RGS5: variants seen among roughly 807,000 people sequenced by gnomAD.
The protein encoded by RGS5 is regulator of G protein signaling 5, also known as regulator of G-protein signalling 5.
Under a neutral mutation model 18.9 loss-of-function variants are expected in RGS5, and 20 were observed. The observed-to-expected ratio is 1.06, with a 90% CI of 0.74 to 1.54. The LOEUF (loss-of-function observed/expected upper bound fraction) is 1.54. RGS5 is among the 40% of genes most tolerant of loss of function. RGS5 has a pLI of 0.00. For synonymous variants in RGS5, 57 were observed against 76.2 expected, an observed-to-expected ratio of 0.75 and a Z score of 1.31; for missense variants, 201 against 211.8, an observed-to-expected ratio of 0.95 and a Z score of 0.32.
intron 2 of RGS5, among the ~76,000 whole-genome samples, chr1:163,288,753 CAT>C (rs1649207813): frequency 6.6e-6 from 1 of 152,186 alleles, no homozygotes; most frequent in Admixed American, 6.6e-5. Flanking sequence ...TTTAGCCTCA[CAT>C]GTCCTTCTGC....
upstream of RGS5, among the ~76,000 whole-genome samples, chr1:163,221,392 G>A (rs947532174): frequency 2.0e-5 from 3 of 152,126 alleles, no homozygotes; most frequent in African/African-American, 7.2e-5. Flanking sequence ...AGCTACTTGG[G>A]AGGCCAAGGT....
intron 3 of RGS5, among the ~76,000 whole-genome samples, chr1:163,160,537 G>T (rs181797454): frequency 5.4e-4 from 82 of 152,222 alleles, no homozygotes; most frequent in African/African-American, 1.8e-3. Context: ...AAAAGAGAGA[G>T]AATCAGAAAT....
intron 2 of RGS5, among the ~76,000 whole-genome samples, chr1:163,235,526 C>T (rs978993731): frequency 2.0e-5 from 3 of 152,178 alleles, no homozygotes; most frequent in Non-Finnish European, 2.9e-5. Context: ...CAGTTCTAAT[C>T]CCTGAAAGTA....
At chr1:163,314,576 C>A (rs1176584206) in intron 1 of RGS5, among the ~76,000 whole-genome samples, 1 of 152,056 alleles carries the variant, frequency 6.6e-6, no homozygotes, top group Non-Finnish European at 1.5e-5. Flanking sequence ...AAAAAACCTA[C>A]TTATCCCCAA....
chr1:163,271,896 T>C (rs538253409), intron 2 of RGS5, among the ~76,000 whole-genome samples: 1 of 152,302 alleles, frequency 6.6e-6, no homozygotes, highest in South Asian at 2.1e-4. Flanking sequence ...CTGCAGCATT[T>C]TATATTTTCA....
intron 3 of RGS5, among the ~76,000 whole-genome samples, chr1:163,158,987 G>A (rs1394341346): frequency 1.3e-5 from 2 of 152,076 alleles, no homozygotes; most frequent in South Asian, 4.1e-4. Context: ...TCTTTCTCAG[G>A]GATGTTCCTA....
chr1:163,282,342 A>T (rs1233751311), intron 2 of RGS5, among the ~76,000 whole-genome samples: 2 of 152,166 alleles, frequency 1.3e-5, no homozygotes. Flanking sequence ...AAAATGTTCA[A>T]CATTACTAAT....
intron 1 of RGS5, among the ~76,000 whole-genome samples, chr1:163,193,085 G>A (rs1659421914): frequency 2.0e-5 from 3 of 152,118 alleles, no homozygotes; most frequent in South Asian, 4.1e-4. Flanking sequence ...GCAAAGGAGA[G>A]CACTTCACAT....
rs1164224811 is a variant in RGS5, at chr1:163,210,737, TA to T, written c.69+6788del. The T allele has an allele frequency of 6.6e-5, 10 of 152,308 alleles. No homozygotes were observed. In the South Asian group the frequency reaches 1.9e-3, roughly 28 times the overall value. The allele number at this position is 152,308 out of a possible 1,614,324, so 9.4% of individuals were successfully genotyped here. On this transcript the variant is annotated intron_variant, in intron 1 of 5. Coordinates refer to the RGS5 transcript ENST00000367903. The stretch of plus-strand genomic sequence containing the variant: ...ATTTGCTATTGAAATTACCTTTTTT[TA>T]AAAAATTTTTTTCCATGACACTGAA...
rs1657416033 is a variant in RGS5 at position 163,152,597 on chromosome 1, C to T, written c.337G>A (p.Ala113Thr). The T allele has an allele frequency of 1.2e-6, 2 of 1,612,842 alleles. No individual in the cohort carries two copies. Among genetic ancestry groups the T allele is most frequent in the East Asian group, 4.5e-5 (2 of 44,866 alleles). Residue 113 changes from alanine (A) to threonine (T), a missense_variant, in exon 4 of 5, where the codon GCA becomes ACA. Physicochemically the swap from Ala to Thr is moderately conservative, Grantham distance 58. Coordinates refer to ENST00000313961, the MANE Select transcript of RGS5 (RefSeq NM_003617.4). ...IKSPAKMAEK[A>T]KQIYEEFIQT... ...ATGAATTCTTCATAAATTTGCTTTG[C>T]CTTCTCAGCCATCTTGGCAGGGGAC...
rs1019397600 is a variant in RGS5 at position 163,145,837 on chromosome 1, G to C, written c.*1505C>G. 2.0e-5 allele frequency: 3 copies of C among 152,154 alleles called. No homozygotes were observed. Among genetic ancestry groups the C allele is most frequent in the African/African-American group, 7.2e-5 (3 of 41,436 alleles). 9.4% of individuals were successfully genotyped at this position (152,154 alleles called of 1,614,324 possible). On this transcript the variant is annotated 3_prime_UTR_variant, in exon 5 of 5. Transcript: ENST00000313961. Reference sequence around the variant, plus strand: ...GCTACAAATATGAGAAACTGAGAGTGTGTGAATGAAAGAGAGCAACAGAAG... The same window carrying C: ...GCTACAAATATGAGAAACTGAGAGTCTGTGAATGAAAGAGAGCAACAGAAG...
intron 2 of RGS5, among the ~76,000 whole-genome samples, chr1:163,233,932 C>T (rs955877940): frequency 2.6e-5 from 4 of 152,106 alleles, no homozygotes; most frequent in African/African-American, 7.2e-5. Context: ...CAGGAACTGG[C>T]TATTTTCACT....
chr1:163,180,686 GTTTTTTTTTTTTTT>G (rs1026995196), intron 1 of RGS5, among the ~76,000 whole-genome samples: 2 of 61,982 alleles, frequency 3.2e-5, no homozygotes, highest in South Asian at 1.5e-3. Context: ...CCCTTACCCT[GTTTTTTTTTTTTTT>G]TTTTTTTTTT....
At chr1:163,320,858 TGTC>T (rs1650179853) in intron 1 of RGS5, among the ~76,000 whole-genome samples, 1 of 152,208 alleles carries the variant, frequency 6.6e-6, no homozygotes, top group East Asian at 1.9e-4. Flanking sequence ...GCGGAATTTG[TGTC>T]TACATTCAAT....
At chr1:163,187,282 G>T (rs545273832) in intron 1 of RGS5, among the ~76,000 whole-genome samples, 1 of 152,280 alleles carries the variant, frequency 6.6e-6, no homozygotes, top group East Asian at 1.9e-4. Context: ...AACCTTATTT[G>T]CATTTTTCTC....
intron 2 of RGS5, among the ~76,000 whole-genome samples, chr1:163,293,289 C>T (rs928333266): frequency 2.0e-5 from 3 of 152,170 alleles, no homozygotes; most frequent in African/African-American, 7.2e-5. Flanking sequence ...AATTGACTCA[C>T]AGTTCCACAT....
intron 1 of RGS5, among the ~76,000 whole-genome samples, chr1:163,182,934 G>A (rs1314173424): frequency 1.6e-5 from 1 of 62,302 alleles, no homozygotes; most frequent in Non-Finnish European, 4.0e-5. Context: ...AATGAAAGGG[G>A]TAGTAAAAGG....
At chr1:163,233,782 C>G (rs914515903) in intron 2 of RGS5, among the ~76,000 whole-genome samples, 3 of 151,900 alleles carry the variant, frequency 2.0e-5, no homozygotes, top group Non-Finnish European at 2.9e-5. Context: ...GAGGGTGTAT[C>G]GTACAAAGTA....
rs1490162893 is a variant in RGS5 at position 163,316,859 on chromosome 1, C to T, written c.-378+4763G>A. Among the ~76,000 whole-genome samples the T allele has an allele frequency of 2.6e-5, 4 of 152,246 alleles. 1 individual carries two copies. The highest frequency in any genetic ancestry group is 4.1e-4 in the South Asian group (2 of 4,832). On this transcript the variant is annotated intron_variant, in intron 1 of 5. Transcript: ENST00000618415. ...AGGCTACTACTATTACTTTGTTAGA[C>T]GCATCATGTCTCAAAAGGAGTTCAG...
Sources: gnomAD v4.1 joint callset for allele counts (sites outside exome capture counted in the v4.1 genomes callset) on GRCh38, gnomAD v4.1.1 for gene constraint, MANE v1.5 for transcripts, NCBI Gene and HGNC (gene_info 2026-07-23, HGNC 2026-07-21) for gene names.